UTP6: variants seen among roughly 807,000 people sequenced by gnomAD.
UTP6 encodes the protein U3 small nucleolar RNA-associated protein 6 homolog.
In UTP6, 60 loss-of-function variants were observed where a neutral mutation model predicts 96.5. The observed-to-expected ratio is 0.62, with a 90% CI of 0.51 to 0.77. The LOEUF is 0.77. Among genes scored for constraint, UTP6 ranks in the 30% least tolerant of loss-of-function variants. The pLI is 0.00. For missense variants in UTP6, 637 were observed against 706.5 expected, an observed-to-expected ratio of 0.90 and a Z score of 1.12; for synonymous variants, 215 against 240.1, an observed-to-expected ratio of 0.90 and a Z score of 0.96.
At position 31,873,817 on chromosome 17, in the gene UTP6, A is replaced by T. The variant is rs1311834121; in HGVS notation, c.1306-64T>A. 8 of 1,502,948 alleles carry T rather than the reference A, an allele frequency of 5.3e-6. No homozygotes were observed. In the East Asian group the frequency reaches 1.6e-4, roughly 30 times the overall value. The allele number at this position is 1,502,948 out of a possible 1,614,324, so 93.1% of individuals were successfully genotyped here. A position where few individuals can be genotyped will look rare whatever the true frequency, so the allele number is the denominator to read the frequency against. ...TATAACAAAACATCGCATGTACCCT[A>T]TAAATATGTAAAATATTATGTATCA... On this transcript the variant is annotated intron_variant, in intron 14 of 18. Coordinates refer to ENST00000261708, the MANE Select transcript of UTP6 (RefSeq NM_018428.3).
chr17:31,868,926 C>T (rs1169485458), intron 16 of UTP6, among the ~76,000 whole-genome samples: 2 of 152,094 alleles, frequency 1.3e-5, no homozygotes, highest in South Asian at 2.1e-4. Flanking sequence ...GCCTGACCAA[C>T]GTGGTGAAAC....
At chr17:31,878,217 A>C in intron 13 of UTP6, 33 bp downstream of exon 13, 1 of 1,607,034 alleles carries the variant, frequency 6.2e-7, no homozygotes, top group South Asian at 1.1e-5. Flanking sequence ...AGGTATTTGT[A>C]ACTGGCACAG....
chr17:31,866,286 CAAA>C (rs869110895), intron 17 of UTP6, among the ~76,000 whole-genome samples: 200 of 58,054 alleles, frequency 3.4e-3, no homozygotes, highest in African/African-American at 1.0e-2. Flanking sequence ...GACTCTGTCT[CAAA>C]AAAAAAAAAA....
chr17:31,863,635 G>T, intron 18 of UTP6, 119 bp from the exon 19 acceptor site: 1 of 924,394 alleles, frequency 1.1e-6, no homozygotes. Context: ...ACTTCCCTAG[G>T]ACGCTTTGTT....
chr17:31,883,470 C>G (rs1342913651), intron 10 of UTP6, among the ~76,000 whole-genome samples: 3 of 151,988 alleles, frequency 2.0e-5, no homozygotes, highest in Non-Finnish European at 4.4e-5. Context: ...TATGCGCCAC[C>G]ACGCCCGACT....
intron 1 of UTP6, among the ~76,000 whole-genome samples, chr17:31,899,994 A>T (rs973614886): frequency 1.2e-4 from 18 of 151,852 alleles, no homozygotes; most frequent in Non-Finnish European, 2.5e-4. Flanking sequence ...AAATACAAAA[A>T]TTAGCTGGGC....
At chr17:31,867,696 G>A (rs959414448) in intron 17 of UTP6, among the ~76,000 whole-genome samples, 6 of 151,666 alleles carry the variant, frequency 4.0e-5, no homozygotes, top group Non-Finnish European at 5.9e-5. Flanking sequence ...GGTGGCTCAC[G>A]CCTGTAATCC....
chr17:31,875,553 G>GA, intron 13 of UTP6, 140 bp from the exon 14 acceptor site: 1 of 999,944 alleles, frequency 1.0e-6, no homozygotes. Flanking sequence ...GGCCAGGTGT[G>GA]GTGGCTCACA....
At position 31,901,597 on chromosome 17, in the gene UTP6, C is replaced by T; in HGVS notation, c.31G>A (p.Asp11Asn). Residue 11 changes from aspartate to asparagine, a missense_variant, in exon 1 of 19, where the codon GAT (aspartate) becomes AAT (asparagine). Physicochemically the swap from Asp to Asn is conservative, Grantham distance 23. Coordinates refer to ENST00000261708, the MANE Select transcript of UTP6 (RefSeq NM_018428.3). ...AGCTGTTCCAATTCCGGGAGCCGAT[C>T]TTCTATGCGTTCCTGAATTATCTCT... Reference protein sequence around the residue: MAEIIQERIEDRLPELEQLER... With the variant: MAEIIQERIENRLPELEQLER... The T allele has an allele frequency of 6.2e-7, 1 of 1,614,018 alleles. No individual in the cohort carries two copies. Among genetic ancestry groups the T allele is most frequent in the Non-Finnish European group, 8.5e-7 (1 of 1,180,034 alleles).
At chr17:31,877,961 C>T (rs58244196) in intron 13 of UTP6, among the ~76,000 whole-genome samples, 1 of 144,250 alleles carries the variant, frequency 6.9e-6, no homozygotes, top group Admixed American at 7.0e-5. Flanking sequence ...AGTGAAACTC[C>T]GTCTCAAAAA....
intron 4 of UTP6, 61 bp from the exon 5 acceptor site, chr17:31,892,855 G>A (rs1406506892): frequency 1.3e-6 from 2 of 1,597,132 alleles, no homozygotes; most frequent in East Asian, 4.5e-5. Flanking sequence ...ATACACCTTT[G>A]CATTAATTAA....
At chr17:31,880,533 C>G in intron 11 of UTP6, 40 bp downstream of exon 11, 2 of 1,608,138 alleles carry the variant, frequency 1.2e-6, no homozygotes, top group Non-Finnish European at 1.7e-6. Context: ...ATCAGGGATA[C>G]TATTCCTTCT....
Position 31,880,556 on chromosome 17 carries a change from G to T in UTP6, c.967+17C>A. On this transcript the variant is annotated intron_variant, in intron 11 of 18. Coordinates refer to ENST00000261708, the MANE Select transcript of UTP6 (RefSeq NM_018428.3). Reference sequence around the variant, plus strand: ...TACTATTCCTTCTATATCACACCATGGTTTGGTGAAGTTCACCTGTTGGCA... The same window carrying T: ...TACTATTCCTTCTATATCACACCATTGTTTGGTGAAGTTCACCTGTTGGCA... The T allele has an allele frequency of 6.2e-7, 1 of 1,613,972 alleles. No homozygotes were observed. The highest frequency in any genetic ancestry group is 1.7e-5 in the Admixed American group (1 of 59,994).
chr17:31,887,178 G>A, intron 8 of UTP6, 58 bp downstream of exon 8: 2 of 1,439,382 alleles, frequency 1.4e-6, no homozygotes, highest in Non-Finnish European at 1.9e-6. Flanking sequence ...TTACTCCTAA[G>A]CAGGCTCAAA....
intron 15 of UTP6, 86 bp from the exon 16 acceptor site, chr17:31,873,573 C>T: frequency 6.2e-7 from 1 of 1,601,906 alleles, no homozygotes; most frequent in South Asian, 1.1e-5. Context: ...CCTGAGGCCA[C>T]TCCATAGTGC....
chr17:31,896,732 G>A (rs1453502617), intron 2 of UTP6, among the ~76,000 whole-genome samples: 3 of 151,644 alleles, frequency 2.0e-5, no homozygotes, highest in Non-Finnish European at 2.9e-5. Context: ...CACCTCCCAG[G>A]TTCAACTGAT....
At position 31,894,799 on chromosome 17, in the gene UTP6, C is replaced by G. The variant is rs1305680362; in HGVS notation, c.220-62G>C. ...ATCATATTTGTCCAAAACAGCATTC[C>G]TACTTGACCACTTAATGGTACTGAT... On this transcript the variant is annotated intron_variant, in intron 3 of 18. Coordinates refer to ENST00000261708, the MANE Select transcript of UTP6 (RefSeq NM_018428.3). 29 of 1,435,872 alleles carry G rather than the reference C, an allele frequency of 2.0e-5. No homozygotes were observed. In the Admixed American group the frequency reaches 5.2e-4, roughly 26 times the overall value. 88.9% of individuals were successfully genotyped at this position (1,435,872 alleles called of 1,614,324 possible).
rs1904972230 is a variant in UTP6, at chr17:31,901,416, C to T, written c.92+120G>A. 6.7e-6 allele frequency: 6 copies of T among 896,476 alleles called. No homozygotes were observed. The Middle Eastern group carries it at 1.1e-3, about 168-fold the overall frequency. 55.5% of individuals were successfully genotyped at this position (896,476 alleles called of 1,614,324 possible). A position where few individuals can be genotyped will look rare whatever the true frequency, so the allele number is the denominator to read the frequency against. ...GACATCACCGAAAACGAGAAATGGG[C>T]TTCCACCACGTTAGGAAAAGTAAAC... On this transcript the variant is annotated intron_variant, in intron 1 of 18. Transcript: ENST00000261708.
At chr17:31,885,198 T>C (rs1386022944) in intron 9 of UTP6, among the ~76,000 whole-genome samples, 1 of 152,048 alleles carries the variant, frequency 6.6e-6, no homozygotes, top group Admixed American at 6.6e-5. Context: ...TCTCGCTCTG[T>C]TGCCCAGGCG....
Sources: allele counts gnomAD v4.1 joint callset (sites outside exome capture counted in the v4.1 genomes callset), GRCh38; gene constraint gnomAD v4.1.1; transcripts MANE v1.5; gene names NCBI Gene and HGNC (gene_info 2026-07-23, HGNC 2026-07-21).